Variants in LRFN5 observed in about 807,000 individuals in gnomAD.
LRFN5 encodes the protein leucine-rich repeat and fibronectin type-III domain-containing protein 5.
Under a neutral mutation model 45.6 loss-of-function variants are expected in LRFN5, and 24 were observed. The observed-to-expected ratio is 0.53, with a 90% confidence interval of 0.38 to 0.74. The LOEUF is 0.74. Among genes scored for constraint, LRFN5 ranks in the 30% least tolerant of loss-of-function variants. The pLI is 0.00. For missense variants in LRFN5, 776 were observed against 861.5 expected, an observed-to-expected ratio of 0.90 and a Z score of 1.24; for synonymous variants, 340 against 313.8, an observed-to-expected ratio of 1.08 and a Z score of -0.88.
intron 2 of LRFN5, among the ~76,000 whole-genome samples, chr14:41,880,578 G>T (rs1890345323): frequency 6.6e-6 from 1 of 151,862 alleles, no homozygotes; most frequent in South Asian, 2.1e-4. Context: ...TGAGAATCTG[G>T]AAAGAATGTG....
chr14:41,904,158 A>G lies in LRFN5; in HGVS notation c.2143A>G (p.Arg715Gly). Reference protein sequence around the residue: ...NVDQIVQETQRLELI With the variant: ...NVDQIVQETQGLELI ...CCTTTTTCTTTTTCTTTCATTTCAG[A>G]GGCTGGAGTTAATCTGAAGAGCACC... The change falls in exon 6 of 6, where the codon AGG becomes GGG. Residue 715 changes from arginine (R) to glycine (G), a missense_variant and splice_region_variant. By Grantham distance (125) the Arg-to-Gly change is moderately radical. Transcript: ENST00000298119. 2 of 1,598,690 alleles carry G rather than the reference A, an allele frequency of 1.3e-6. No homozygotes were observed. Among genetic ancestry groups the G allele is most frequent in the South Asian group, 2.2e-5 (2 of 89,262 alleles).
chr14:41,887,260 C>T lies in LRFN5; in HGVS notation c.635C>T (p.Pro212Leu). ...TCAAATAAATTGCAGAAGCTACCAC[C>T]TGACCCTCTCTTTCAGCGAGCTCAG... Reference protein sequence around the residue: ...VTSNKLQKLPPDPLFQRAQVL... With the variant: ...VTSNKLQKLPLDPLFQRAQVL... The change falls in exon 3 of 6, where the codon CCT (proline) becomes CTT (leucine). Residue 212 changes from proline to leucine, a missense_variant. Pro to Leu is a moderately conservative substitution (Grantham distance 98). This residue lies in a region of LRFN5 where 311 missense variants were observed against 405.1 expected (regional missense o/e 0.77). Transcript: ENST00000298119. The surrounding 1 kb of genome is among the most constrained non-coding windows in gnomAD (Gnocchi z 4.8). 6 of 1,614,224 alleles carry T rather than the reference C, an allele frequency of 3.7e-6. No individual in the cohort carries two copies. Among genetic ancestry groups the T allele is most frequent in the Non-Finnish European group, 5.1e-6 (6 of 1,180,040 alleles).
intron 2 of LRFN5, among the ~76,000 whole-genome samples, chr14:41,785,294 CTT>C (rs936667024): frequency 1.3e-5 from 2 of 152,012 alleles, no homozygotes; most frequent in African/African-American, 4.8e-5. Flanking sequence ...TAATTTTCCA[CTT>C]TGTTATTTTT....
chr14:41,823,030 T>A (rs904148711), intron 2 of LRFN5, among the ~76,000 whole-genome samples: 10 of 151,984 alleles, frequency 6.6e-5, no homozygotes, highest in African/African-American at 2.2e-4. Flanking sequence ...ATAAGTGTCA[T>A]TACTAGTTAT....
chr14:41,815,937 G>GTT (rs1368444025), intron 2 of LRFN5, among the ~76,000 whole-genome samples: 3 of 152,016 alleles, frequency 2.0e-5, no homozygotes, highest in Non-Finnish European at 4.4e-5. Context: ...ATTTGTTAGT[G>GTT]TTTTCTATTT....
rs181225537 is a variant in LRFN5, at chr14:41,843,135, G to A, written c.-20-43471G>A. Among the ~76,000 whole-genome samples, 10 of 148,070 alleles carry A rather than the reference G, an allele frequency of 6.8e-5. No individual in the cohort carries two copies. The East Asian group carries it at 1.8e-3, about 27-fold the overall frequency. The stretch of plus-strand genomic sequence containing the variant: ...GAGTCTCACTCTGTCTCCCAGGATG[G>A]AGTGTAGTGATAAAATGACAGCTCA... On this transcript the variant is annotated intron_variant, in intron 2 of 5. Transcript: ENST00000298119.
At chr14:41,646,160 T>C (rs1879809401) in intron 1 of LRFN5, among the ~76,000 whole-genome samples, 2 of 152,140 alleles carry the variant, frequency 1.3e-5, no homozygotes, top group Admixed American at 6.6e-5. Context: ...AACTATAATA[T>C]ATTATTGTTA....
rs781741085 is a variant in LRFN5 at position 41,815,413 on chromosome 14, T to C, written c.-21+48384T>C. Among the ~76,000 whole-genome samples the C allele has an allele frequency of 3.0e-4, 45 of 152,162 alleles. 1 individual carries two copies. Among genetic ancestry groups the C allele is most frequent in the Admixed American group, 2.0e-4 (3 of 15,270 alleles). ...TGTATGGATCTCCACTTATTTACTT[T>C]TAATCTTCACCTGGTTTTGTATTTA... On this transcript the variant is annotated intron_variant, in intron 2 of 5. Coordinates refer to ENST00000298119, the MANE Select transcript of LRFN5 (RefSeq NM_152447.5).
intron 1 of LRFN5, among the ~76,000 whole-genome samples, chr14:41,709,115 G>T (rs1883185194): frequency 1.3e-5 from 2 of 151,950 alleles, no homozygotes; most frequent in African/African-American, 4.8e-5. Flanking sequence ...CACAGTTCAT[G>T]TAACTGTAAG....
At position 41,891,394 on chromosome 14, in the gene LRFN5, G is replaced by A. The variant is rs181411518; in HGVS notation, c.1530G>A (p.Thr510=). 2 of 1,614,060 alleles carry A rather than the reference G, an allele frequency of 1.2e-6. No individual in the cohort carries two copies. Among genetic ancestry groups the A allele is most frequent in the East Asian group, 2.2e-5 (1 of 44,860 alleles). ...TCGTGGGTTGCATCCAGTTTACTAC[G>A]GAACAGGATTATGTGCGTTGCCATT... The part of the protein sequence containing the change: ...TRVVGCIQFT[T]EQDYVRCHFM... The change falls in exon 4 of 6, where the codon ACG becomes ACA. Residue 510 remains threonine, a synonymous_variant. Coordinates refer to ENST00000298119, the MANE Select transcript of LRFN5 (RefSeq NM_152447.5).
intron 2 of LRFN5, among the ~76,000 whole-genome samples, chr14:41,829,802 T>C (rs959619221): frequency 5.3e-5 from 8 of 151,760 alleles, no homozygotes; most frequent in African/African-American, 1.9e-4. Context: ...TACTTTTTTT[T>C]TAAATTTCTG....
intron 1 of LRFN5, among the ~76,000 whole-genome samples, chr14:41,763,166 A>G (rs1200235134): frequency 6.6e-6 from 1 of 152,220 alleles, no homozygotes; most frequent in Admixed American, 6.5e-5. Flanking sequence ...AGGTTTTATG[A>G]TGAGTACTTT....
chr14:41,872,547 G>A (rs1890053424), intron 2 of LRFN5, among the ~76,000 whole-genome samples: 1 of 152,148 alleles, frequency 6.6e-6, no homozygotes, highest in South Asian at 2.1e-4. Flanking sequence ...TTAGGAATGA[G>A]TCCTTATCAT....
intron 2 of LRFN5, among the ~76,000 whole-genome samples, chr14:41,821,224 AG>A (rs1354107098): frequency 1.3e-5 from 2 of 152,162 alleles, no homozygotes; most frequent in East Asian, 3.9e-4. Flanking sequence ...TTCCCTGTTC[AG>A]TATGATATTG....
At chr14:41,619,903 G>A (rs1167595396) in intron 1 of LRFN5, among the ~76,000 whole-genome samples, 1 of 151,978 alleles carries the variant, frequency 6.6e-6, no homozygotes, top group Non-Finnish European at 1.5e-5. Context: ...ACCTCACACA[G>A]CGACTGGCAA....
At chr14:41,838,072 A>T (rs539983758) in intron 2 of LRFN5, among the ~76,000 whole-genome samples, 4 of 152,306 alleles carry the variant, frequency 2.6e-5, no homozygotes, top group African/African-American at 9.6e-5. Context: ...TGAATGTTGT[A>T]AAAAGGAAAT....
intron 2 of LRFN5, among the ~76,000 whole-genome samples, chr14:41,877,651 C>A (rs1890233621): frequency 6.6e-6 from 1 of 151,820 alleles, no homozygotes; most frequent in Non-Finnish European, 1.5e-5. Context: ...TACACACGCA[C>A]ATGTTGAGAA....
chr14:41,791,991 G>T (rs1235704425), intron 2 of LRFN5, among the ~76,000 whole-genome samples: 3 of 152,032 alleles, frequency 2.0e-5, no homozygotes, highest in Admixed American at 6.6e-5. Flanking sequence ...ATTATCAGGG[G>T]AATCCGCCCC....
At chr14:41,641,753 T>C (rs1445819708) in intron 1 of LRFN5, among the ~76,000 whole-genome samples, 1 of 152,052 alleles carries the variant, frequency 6.6e-6, no homozygotes, top group Non-Finnish European at 1.5e-5. Flanking sequence ...TTTAAAATAT[T>C]TAGATAGATG....
Sources: gnomAD v4.1 joint callset for allele counts (sites outside exome capture counted in the v4.1 genomes callset) on GRCh38, gnomAD v4.1.1 for gene constraint, gnomAD v4.1.1 regional missense constraint, Gnocchi (gnomAD v3.1) non-coding constraint, MANE v1.5 for transcripts, NCBI Gene and HGNC (gene_info 2026-07-23, HGNC 2026-07-21) for gene names.